MACROD2: variants seen among roughly 807,000 people sequenced by gnomAD.
The protein encoded by MACROD2 is mono-ADP ribosylhydrolase 2.
MACROD2 carries 36 observed loss-of-function variants against 70.4 expected under a neutral mutation model. That is an observed-to-expected ratio of 0.51 (90% CI 0.39 to 0.68). The LOEUF is 0.68. Among genes scored for constraint, MACROD2 ranks in the 30% least tolerant of loss-of-function variants. The probability of loss-of-function intolerance (pLI) is 0.00; values close to 1 mark genes in which losing one functional copy is unlikely to be tolerated. For synonymous variants in MACROD2, 172 were observed against 178.8 expected (o/e 0.96, Z 0.30); for missense variants, 496 against 538.4 (o/e 0.92, Z 0.78).
rs73614487 is a variant in MACROD2 at position 15,898,123 on chromosome 20, G to A, written c.775+12312G>A. ...GACCTTTTTTTCCCTTTTTTCTCAC[G>A]ACCAATGCTAAAACTGACATAGGCA... On this transcript the variant is annotated intron_variant, in intron 10 of 17. Coordinates refer to ENST00000684519, the MANE Select transcript of MACROD2 (RefSeq NM_001351661.2). 3.9e-3 allele frequency among the ~76,000 whole-genome samples: 590 copies of A among 151,860 alleles called. 2 individuals are homozygous for A. The highest frequency in any genetic ancestry group is 0.024 in the South Asian group (113 of 4,798).
At chr20:14,514,190 A>G (rs2085063393) in intron 4 of MACROD2, among the ~76,000 whole-genome samples, 1 of 152,124 alleles carries the variant, frequency 6.6e-6, no homozygotes, top group African/African-American at 2.4e-5. Flanking sequence ...GACTAGCATA[A>G]CATGATATGA....
chr20:15,418,409 A>G (rs2146336019), intron 6 of MACROD2, among the ~76,000 whole-genome samples: 1 of 152,244 alleles, frequency 6.6e-6, no homozygotes, highest in East Asian at 1.9e-4. Context: ...ATTTGAGGCC[A>G]AGTTAGGTGA....
At chr20:15,033,647 A>G (rs958302669) in intron 5 of MACROD2, among the ~76,000 whole-genome samples, 36 of 152,360 alleles carry the variant, frequency 2.4e-4, no homozygotes, top group African/African-American at 8.2e-4. Context: ...AAGCTAAGCT[A>G]AGCGTGCATC....
At chr20:15,852,619 T>C in intron 8 of MACROD2, among the ~76,000 whole-genome samples, 1 of 152,198 alleles carries the variant, frequency 6.6e-6, no homozygotes, top group East Asian at 1.9e-4. Context: ...TTGACAAAGA[T>C]ATTAAAATCT....
intron 8 of MACROD2, among the ~76,000 whole-genome samples, chr20:15,728,932 AGTTT>A (rs1320699048): frequency 2.0e-5 from 3 of 151,404 alleles, no homozygotes; most frequent in African/African-American, 7.3e-5. Flanking sequence ...CTAGCTTTGG[AGTTT>A]GTTTGTTCTT....
intron 2 of MACROD2, among the ~76,000 whole-genome samples, chr20:14,039,606 T>C (rs2053361430): frequency 2.0e-5 from 3 of 152,154 alleles, no homozygotes; most frequent in Admixed American, 2.0e-4. Flanking sequence ...CAGGCCTGCA[T>C]ATAAATAAAG....
chr20:15,890,114 A>T (rs566409344), intron 10 of MACROD2, among the ~76,000 whole-genome samples: 10 of 152,330 alleles, frequency 6.6e-5, no homozygotes, highest in African/African-American at 2.2e-4. Flanking sequence ...TTTCATGTTC[A>T]TATTCAACAT....
intron 5 of MACROD2, among the ~76,000 whole-genome samples, chr20:14,994,836 T>C (rs76120157): frequency 0.011 from 1,613 of 152,298 alleles, 31 homozygotes; most frequent in African/African-American, 0.037. Flanking sequence ...TGTTCCATTA[T>C]GACTTAGATT....
intron 9 of MACROD2, among the ~76,000 whole-genome samples, chr20:15,871,699 C>A (rs6074960): frequency 6.3e-4 from 96 of 152,188 alleles, no homozygotes; most frequent in African/African-American, 2.2e-3. Flanking sequence ...GAGAAGTTCA[C>A]GTCTGGTGTT....
intron 5 of MACROD2, among the ~76,000 whole-genome samples, chr20:14,885,607 C>T (rs1177951013): frequency 6.6e-6 from 1 of 152,146 alleles, no homozygotes; most frequent in Non-Finnish European, 1.5e-5. Flanking sequence ...AATTTGTTTG[C>T]CTGGCTTCCA....
intron 5 of MACROD2, among the ~76,000 whole-genome samples, chr20:15,057,207 AC>A (rs1181112948): frequency 1.3e-5 from 2 of 152,210 alleles, no homozygotes; most frequent in East Asian, 3.8e-4. Flanking sequence ...TATTAAAGTA[AC>A]TTTTCTTTAC....
In MACROD2 at chr20:15,307,838, T is replaced by G. The variant is rs375466571; in HGVS notation, c.540+77777T>G. On this transcript the variant is annotated intron_variant, in intron 6 of 17. Coordinates refer to ENST00000684519, the MANE Select transcript of MACROD2 (RefSeq NM_001351661.2). The stretch of plus-strand genomic sequence containing the variant: ...GTCTTCTAAAATATGGAAAAGTTCC[T>G]CACAAAACGTATGTTTGTCTTTTGT... Among the ~76,000 whole-genome samples, 19 of 152,342 alleles carry G rather than the reference T, an allele frequency of 1.2e-4. No homozygotes were observed. The East Asian group carries it at 3.7e-3, about 29-fold the overall frequency.
At position 15,611,865 on chromosome 20, in the gene MACROD2, T is replaced by C. The variant is rs7262144; in HGVS notation, c.645+112018T>C. ...AAATTCCCGGGAGCTGGGCACGTAG[T>C]GGGGATTGGGCATCCTAGATCAACA... On this transcript the variant is annotated intron_variant, in intron 8 of 17. Transcript: ENST00000684519. 8.9e-3 allele frequency among the ~76,000 whole-genome samples: 1,292 copies of C among 145,268 alleles called. 16 individuals carry two copies. The highest frequency in any genetic ancestry group is 0.032 in the African/African-American group (1,230 of 38,622).
intron 5 of MACROD2, among the ~76,000 whole-genome samples, chr20:14,819,302 C>CA (rs1424517371): frequency 2.7e-5 from 4 of 150,522 alleles, no homozygotes; most frequent in African/African-American, 2.4e-5. Flanking sequence ...AAAAAACCCC[C>CA]AAAAAATCAC....
chr20:15,481,871 A>T (rs2047102743), intron 7 of MACROD2, among the ~76,000 whole-genome samples: 1 of 152,222 alleles, frequency 6.6e-6, no homozygotes, highest in Non-Finnish European at 1.5e-5. Context: ...CCACTGATAC[A>T]TAATATTAGT....
At chr20:15,976,621 C>T (rs2066310053) in intron 13 of MACROD2, among the ~76,000 whole-genome samples, 2 of 152,182 alleles carry the variant, frequency 1.3e-5, no homozygotes, top group African/African-American at 4.8e-5. Flanking sequence ...GGCCTGGGTG[C>T]GGTGCAAGGC....
At chr20:15,490,200 T>G (rs1488339515) in intron 7 of MACROD2, among the ~76,000 whole-genome samples, 14 of 135,982 alleles carry the variant, frequency 1.0e-4, no homozygotes, top group Non-Finnish European at 1.7e-4. Context: ...TCTTCCTCCC[T>G]CCCCCTTCCT....
chr20:15,331,116 G>T (rs769682862), intron 6 of MACROD2, among the ~76,000 whole-genome samples: 3 of 151,630 alleles, frequency 2.0e-5, no homozygotes, highest in Non-Finnish European at 4.4e-5. Flanking sequence ...TAACACATGC[G>T]AATGTGTTCA....
intron 5 of MACROD2, among the ~76,000 whole-genome samples, chr20:14,921,156 A>G (rs992580397): frequency 6.6e-5 from 10 of 152,148 alleles, no homozygotes; most frequent in Non-Finnish European, 1.3e-4. Context: ...GGATCTGTGT[A>G]TTGGGTGTTT....
Sources: gnomAD v4.1 joint callset for allele counts (sites outside exome capture counted in the v4.1 genomes callset) on GRCh38, gnomAD v4.1.1 for gene constraint, MANE v1.5 for transcripts, NCBI Gene and HGNC (gene_info 2026-07-23, HGNC 2026-07-21) for gene names.